The following NEGR1 variants were observed in gnomAD, a reference collection of about 807,000 sequenced individuals.
NEGR1 encodes the protein neuronal growth regulator 1.
In NEGR1, 10 loss-of-function variants were observed where a neutral mutation model predicts 40.9. The ratio of observed to expected loss-of-function variants is 0.24; its 90% CI spans 0.15 to 0.42. The LOEUF (loss-of-function observed/expected upper bound fraction) is 0.42. Among genes scored for constraint, NEGR1 ranks in the 10% least tolerant of loss-of-function variants. NEGR1 has a pLI of 1.00. For synonymous variants in NEGR1, 185 were observed against 166.8 expected, an observed-to-expected ratio of 1.11 and a Z score of -0.84; for missense variants, 352 against 438.9, an observed-to-expected ratio of 0.80 and a Z score of 1.77.
intron 6 of NEGR1, chr1:71,472,548 A>T (rs1362241347): frequency 6.6e-6 from 1 of 152,124 alleles, no homozygotes; most frequent in Non-Finnish European, 1.5e-5. Flanking sequence ...ATTGGAAGCA[A>T]CTTGATTTAT....
At chr1:72,274,670 C>G in intron 1 of NEGR1, 11 of 906,008 alleles carry the variant, frequency 1.2e-5, no homozygotes. Context: ...TATGGAGGTA[C>G]CTATATGCTG....
At chr1:71,839,358 C>T (rs1659156465) in intron 2 of NEGR1, among the ~76,000 whole-genome samples, 1 of 151,688 alleles carries the variant, frequency 6.6e-6, no homozygotes, top group Non-Finnish European at 1.5e-5. Flanking sequence ...GGTGAGCCAC[C>T]ACATCCAGCT....
intron 1 of NEGR1, among the ~76,000 whole-genome samples, chr1:72,141,263 A>G (rs1227364620): frequency 2.0e-5 from 3 of 152,034 alleles, no homozygotes; most frequent in African/African-American, 7.2e-5. Context: ...CTGTGGAGAT[A>G]TAAGAACACT....
At chr1:71,596,873 G>C (rs1356083213) in intron 5 of NEGR1, among the ~76,000 whole-genome samples, 6 of 152,106 alleles carry the variant, frequency 3.9e-5, no homozygotes, top group African/African-American at 1.4e-4. Context: ...GAATAACTTG[G>C]AATAAGAGTG....
At chr1:72,052,085 T>A (rs1271339550) in intron 1 of NEGR1, among the ~76,000 whole-genome samples, 1 of 151,496 alleles carries the variant, frequency 6.6e-6, no homozygotes, top group East Asian at 1.9e-4. Context: ...CCTGTGACAC[T>A]GTTCTTGAGA....
At chr1:71,611,583 T>A (rs1023800904) in intron 4 of NEGR1, among the ~76,000 whole-genome samples, 1 of 152,226 alleles carries the variant, frequency 6.6e-6, no homozygotes, top group Admixed American at 6.5e-5. Flanking sequence ...ATTTTACAAA[T>A]GTGAAAAGTC....
intron 1 of NEGR1, among the ~76,000 whole-genome samples, chr1:72,219,470 A>G (rs1441113583): frequency 2.0e-5 from 3 of 152,044 alleles, no homozygotes; most frequent in Non-Finnish European, 2.9e-5. Context: ...GCATTTTAGA[A>G]CTATTTTATT....
At chr1:71,614,693 T>C (rs746168540) in intron 4 of NEGR1, among the ~76,000 whole-genome samples, 3 of 152,212 alleles carry the variant, frequency 2.0e-5, no homozygotes, top group Non-Finnish European at 4.4e-5. Context: ...TACTCTCTTG[T>C]TTGTCAAGGG....
At chr1:71,863,846 CT>C (rs1281828773) in intron 2 of NEGR1, among the ~76,000 whole-genome samples, 3 of 152,044 alleles carry the variant, frequency 2.0e-5, no homozygotes, top group Non-Finnish European at 4.4e-5. Flanking sequence ...AGGACTGTCC[CT>C]TATTAATAGA....
intron 1 of NEGR1, among the ~76,000 whole-genome samples, chr1:72,246,803 A>G (rs1030766872): frequency 3.3e-5 from 5 of 152,160 alleles, no homozygotes; most frequent in Non-Finnish European, 7.3e-5. Flanking sequence ...GTACGCAGCC[A>G]TCTATGAGGG....
At chr1:71,575,449 G>T (rs1446806237) in intron 6 of NEGR1, among the ~76,000 whole-genome samples, 1 of 152,176 alleles carries the variant, frequency 6.6e-6, no homozygotes, top group African/African-American at 2.4e-5. Flanking sequence ...GATAGTAAGT[G>T]AGGCATTGGA....
chr1:72,122,715 C>T (rs1429064296), intron 1 of NEGR1, among the ~76,000 whole-genome samples: 1 of 151,676 alleles, frequency 6.6e-6, no homozygotes. Context: ...GGTTAACTCC[C>T]ATGGTAGCAA....
intron 1 of NEGR1, among the ~76,000 whole-genome samples, chr1:72,043,418 T>C (rs1339552719): frequency 1.3e-5 from 2 of 151,634 alleles, no homozygotes; most frequent in Non-Finnish European, 1.5e-5. Context: ...AATATATTAA[T>C]ATAAATATAA....
At chr1:71,531,510 T>C (rs1056670236) in intron 6 of NEGR1, among the ~76,000 whole-genome samples, 4 of 151,380 alleles carry the variant, frequency 2.6e-5, no homozygotes, top group East Asian at 3.9e-4. Context: ...CCTGAGATTA[T>C]ATTAATCTGT....
At chr1:72,087,230 A>T (rs933793381) in intron 1 of NEGR1, among the ~76,000 whole-genome samples, 2 of 152,114 alleles carry the variant, frequency 1.3e-5, no homozygotes, top group African/African-American at 4.8e-5. Flanking sequence ...CAGCCTGACC[A>T]ACATGGTCAA....
intron 4 of NEGR1, among the ~76,000 whole-genome samples, chr1:71,694,265 T>C (rs904593872): frequency 6.6e-6 from 1 of 151,008 alleles, no homozygotes; most frequent in Admixed American, 6.6e-5. Flanking sequence ...GTGTGTGTGT[T>C]TGTGTGTGTC....
chr1:71,972,481 ATAT>A (rs1170229907), intron 1 of NEGR1, among the ~76,000 whole-genome samples: 3 of 152,208 alleles, frequency 2.0e-5, no homozygotes. Flanking sequence ...AATTCATTTT[ATAT>A]TACCTTAGGA....
intron 3 of NEGR1, among the ~76,000 whole-genome samples, chr1:71,755,710 T>G (rs932774512): frequency 7.2e-5 from 11 of 152,208 alleles, no homozygotes; most frequent in African/African-American, 2.4e-4. Context: ...AAGACAACTC[T>G]GCAAAAATGC....
intron 4 of NEGR1, among the ~76,000 whole-genome samples, chr1:71,686,473 C>G (rs760568731): frequency 6.6e-6 from 1 of 152,078 alleles, no homozygotes; most frequent in African/African-American, 2.4e-5. Flanking sequence ...ATCCTGAAAG[C>G]TAATGGGTTA....
Sources: gnomAD v4.1 joint callset for allele counts (sites outside exome capture counted in the v4.1 genomes callset) on GRCh38, gnomAD v4.1.1 for gene constraint, MANE v1.5 for transcripts, NCBI Gene and HGNC (gene_info 2026-07-23, HGNC 2026-07-21) for gene names.